PDE1A: variants seen among roughly 807,000 people sequenced by gnomAD.
PDE1A encodes the protein phosphodiesterase 1A, also known as dual specificity calcium/calmodulin-dependent 3',5'-cyclic nucleotide phosphodiesterase 1A.
PDE1A carries 35 observed loss-of-function variants against 61.7 expected under a neutral mutation model. The ratio of observed to expected loss-of-function variants is 0.57; its 90% CI spans 0.43 to 0.75. The LOEUF (loss-of-function observed/expected upper bound fraction) is 0.75, where lower values mean the gene tolerates loss of function less well. Ranked by LOEUF, PDE1A falls within the 30% of genes least tolerant of loss-of-function variation. The probability of loss-of-function intolerance (pLI) is 0.00; values close to 1 mark genes in which losing one functional copy is unlikely to be tolerated. For synonymous variants in PDE1A, 232 were observed against 213.2 expected, an observed-to-expected ratio of 1.09 and a Z score of -0.77; for missense variants, 597 against 630.6, an observed-to-expected ratio of 0.95 and a Z score of 0.57.
Position 182,255,848 on chromosome 2 carries a change from G to A in PDE1A, c.167+8453C>T, listed in dbSNP as rs536954643. On this transcript the variant is annotated intron_variant, in intron 2 of 13. Transcript: ENST00000351439. Reference sequence around the variant, plus strand: ...AATTTTTGTATTTTTAGTAGAGAGGGAGTTTCACCATATTGGCCAGGCTGG... The same window carrying A: ...AATTTTTGTATTTTTAGTAGAGAGGAAGTTTCACCATATTGGCCAGGCTGG... Among the ~76,000 whole-genome samples the A allele has an allele frequency of 2.0e-3, 297 of 151,412 alleles. 1 individual carries two copies. The highest frequency in any genetic ancestry group is 3.6e-3 in the Non-Finnish European group (242 of 67,826).
At chr2:182,424,211 C>T (rs757340448) in intron 1 of PDE1A, among the ~76,000 whole-genome samples, 1 of 152,256 alleles carries the variant, frequency 6.6e-6, no homozygotes, top group Admixed American at 6.5e-5. Flanking sequence ...TCCCAAAGTG[C>T]TGGGATTACA....
upstream of PDE1A, among the ~76,000 whole-genome samples, chr2:182,524,066 T>G (rs1202502142): frequency 6.6e-6 from 1 of 152,142 alleles, no homozygotes; most frequent in Admixed American, 6.6e-5. Context: ...TTTGTGAAAT[T>G]AAAACTTCAT....
At chr2:182,674,627 G>A in the PDE1A span, among the ~76,000 whole-genome samples, 1 of 150,942 alleles carries the variant, frequency 6.6e-6, no homozygotes, top group African/African-American at 2.4e-5. Flanking sequence ...CCCACAAACA[G>A]ACTCCTTCTT....
chr2:182,180,450 T>A (rs1684659278), intron 13 of PDE1A, among the ~76,000 whole-genome samples: 1 of 152,184 alleles, frequency 6.6e-6, no homozygotes, highest in African/African-American at 2.4e-5. Context: ...TGCTGAGAGA[T>A]CTGCTGTTAG....
At chr2:182,447,700 C>A (rs1269329085) in intron 2 of PDE1A, among the ~76,000 whole-genome samples, 1 of 152,100 alleles carries the variant, frequency 6.6e-6, no homozygotes, top group Admixed American at 6.6e-5. Context: ...TCTATACTTT[C>A]CTATGGCATG....
chr2:182,589,086 TAA>T, the PDE1A span, among the ~76,000 whole-genome samples: 26 of 146,656 alleles, frequency 1.8e-4, no homozygotes, highest in South Asian at 5.4e-3. Flanking sequence ...ATAATAATAA[TAA>T]TAATTTTAAT....
rs142473304 is a variant in PDE1A, at chr2:182,236,016, A to G, written c.351-1518T>C. ...TGACTAGTTGGAAGTTCAGAATGAA[A>G]ATACTGTGTTTAATTACATCTCTAG... On this transcript the variant is annotated intron_variant, in intron 3 of 13. Coordinates refer to ENST00000351439, the Ensembl canonical transcript of PDE1A. Among the ~76,000 whole-genome samples the G allele has an allele frequency of 2.2e-4, 33 of 152,324 alleles. No individual in the cohort carries two copies. In the South Asian group the frequency reaches 6.2e-3, roughly 29 times the overall value.
At chr2:182,664,747 A>G in the PDE1A span, among the ~76,000 whole-genome samples, 19 of 152,306 alleles carry the variant, frequency 1.2e-4, no homozygotes, top group Non-Finnish European at 2.1e-4. Flanking sequence ...TAATTAATGA[A>G]TGCACTTGGA....
chr2:182,160,149 T>C (rs754784224), intron 13 of PDE1A, among the ~76,000 whole-genome samples: 1 of 152,180 alleles, frequency 6.6e-6, no homozygotes, highest in Non-Finnish European at 1.5e-5. Context: ...GGAACCAGAA[T>C]TGAAAAAGAT....
the PDE1A span, among the ~76,000 whole-genome samples, chr2:182,546,061 A>G: frequency 6.6e-6 from 1 of 152,196 alleles, no homozygotes; most frequent in South Asian, 2.1e-4. Context: ...GAGGAAAGTT[A>G]TTTGAATTGG....
chr2:182,497,386 C>T (rs764789116), intron 2 of PDE1A, among the ~76,000 whole-genome samples: 4 of 152,166 alleles, frequency 2.6e-5, no homozygotes, highest in African/African-American at 4.8e-5. Context: ...TCACAGCAGT[C>T]AGGGAAGCAG....
Position 182,148,713 on chromosome 2 carries a change from C to T in PDE1A, c.1517-1561G>A, listed in dbSNP as rs377188058. Among the ~76,000 whole-genome samples the T allele has an allele frequency of 2.1e-4, 32 of 152,330 alleles. No homozygotes were observed. The East Asian group carries it at 5.0e-3, about 24-fold the overall frequency. On this transcript the variant is annotated intron_variant, in intron 13 of 13. Coordinates refer to the PDE1A transcript ENST00000409365. ...GAAAAGCTGAAATCTACACAGCCGT[C>T]TCTCCTTTGGCTCACCTGCCACCAT... is the stretch of plus-strand genomic sequence containing the variant.
rs529781363 is a variant in PDE1A at position 182,501,983 on chromosome 2, A to G, written c.101+20293T>C. ...AGCTGAACTGAACGTAACAGGAAAAAAGGCACACAGGGACACAGATCTGAC... is the reference window on the plus strand; with the variant it reads ...AGCTGAACTGAACGTAACAGGAAAAGAGGCACACAGGGACACAGATCTGAC... On this transcript the variant is annotated intron_variant, in intron 2 of 14. Transcript: ENST00000410103. Among the ~76,000 whole-genome samples the G allele has an allele frequency of 3.9e-5, 6 of 152,210 alleles. No homozygotes were observed. In the South Asian group the frequency reaches 1.2e-3, roughly 32 times the overall value.
chr2:182,636,105 G>A, the PDE1A span, among the ~76,000 whole-genome samples: 93 of 151,544 alleles, frequency 6.1e-4, 1 homozygote, highest in Non-Finnish European at 1.1e-3. Context: ...ACAGGTGCCC[G>A]CCACCGTGCC....
At chr2:182,364,020 T>C (rs1350650848) in intron 1 of PDE1A, among the ~76,000 whole-genome samples, 6 of 151,986 alleles carry the variant, frequency 3.9e-5, no homozygotes, top group African/African-American at 1.2e-4. Context: ...TTTGGTTCCA[T>C]TTATGCTCTG....
At chr2:182,405,649 C>T (rs150272815) in intron 1 of PDE1A, among the ~76,000 whole-genome samples, 1,523 of 152,152 alleles carry the variant, frequency 0.01, 26 homozygotes, top group African/African-American at 0.034. Flanking sequence ...GGAAAAATGT[C>T]GGTCAAAGGG....
chr2:182,294,947 T>C (rs1694774842), intron 1 of PDE1A, among the ~76,000 whole-genome samples: 1 of 151,296 alleles, frequency 6.6e-6, no homozygotes, highest in African/African-American at 2.4e-5. Context: ...GGGAGAAGGA[T>C]AGGTAGTGCC....
At chr2:182,520,135 A>G (rs1690474961) in intron 2 of PDE1A, among the ~76,000 whole-genome samples, 1 of 151,930 alleles carries the variant, frequency 6.6e-6, no homozygotes, top group East Asian at 1.9e-4. Flanking sequence ...AGACAAGACA[A>G]TATCAGCAAT....
chr2:182,178,389 C>A (rs1208084268), intron 13 of PDE1A, among the ~76,000 whole-genome samples: 1 of 152,072 alleles, frequency 6.6e-6, no homozygotes, highest in Non-Finnish European at 1.5e-5. Flanking sequence ...TAACTCCTTA[C>A]CCTTCCAGTG....
Sources: allele counts gnomAD v4.1 joint callset (sites outside exome capture counted in the v4.1 genomes callset), GRCh38; gene constraint gnomAD v4.1.1; transcripts MANE v1.5; gene names NCBI Gene and HGNC (gene_info 2026-07-23, HGNC 2026-07-21).